MACROD2: variants seen among roughly 807,000 people sequenced by gnomAD.
The protein encoded by MACROD2 is ADP-ribose glycohydrolase MACROD2.
A neutral mutation model predicts 70.4 loss-of-function variants in MACROD2; 36 were observed. The ratio of observed to expected loss-of-function variants is 0.51; its 90% CI spans 0.39 to 0.68. MACROD2 has a LOEUF of 0.68. Ranked by LOEUF, MACROD2 falls within the 30% of genes least tolerant of loss-of-function variation. MACROD2 has a pLI of 0.00. For missense variants in MACROD2, 496 were observed against 538.4 expected, an observed-to-expected ratio of 0.92 and a Z score of 0.78; for synonymous variants, 172 against 178.8, an observed-to-expected ratio of 0.96 and a Z score of 0.30.
chr20:14,189,344 A>T (rs1338084916), intron 3 of MACROD2, among the ~76,000 whole-genome samples: 1 of 152,224 alleles, frequency 6.6e-6, no homozygotes, highest in Non-Finnish European at 1.5e-5. Context: ...ATACAATGCC[A>T]TACCAAAAAT....
At chr20:14,721,813 C>T (rs2071473262) in intron 5 of MACROD2, among the ~76,000 whole-genome samples, 1 of 152,152 alleles carries the variant, frequency 6.6e-6, no homozygotes, top group Non-Finnish European at 1.5e-5. Context: ...CAATTTCAAC[C>T]AAGATAGGCT....
chr20:15,454,913 C>T (rs908424056), intron 7 of MACROD2, among the ~76,000 whole-genome samples: 1 of 152,090 alleles, frequency 6.6e-6, no homozygotes, highest in Admixed American at 6.6e-5. Context: ...TTAAGCACCA[C>T]GTTGTGCCTT....
At chr20:14,798,024 A>G (rs950382254) in intron 5 of MACROD2, among the ~76,000 whole-genome samples, 1 of 152,132 alleles carries the variant, frequency 6.6e-6, no homozygotes, top group Non-Finnish European at 1.5e-5. Flanking sequence ...ACATTTTAAG[A>G]TTAAAGTTGA....
chr20:15,948,401 A>G (rs1243094141), intron 12 of MACROD2, among the ~76,000 whole-genome samples: 1 of 149,614 alleles, frequency 6.7e-6, no homozygotes, highest in Non-Finnish European at 1.5e-5. Context: ...AAAAAAAAAA[A>G]AAAAAAAAAA....
intron 5 of MACROD2, among the ~76,000 whole-genome samples, chr20:15,024,579 T>G (rs1277343561): frequency 6.6e-6 from 1 of 151,992 alleles, no homozygotes; most frequent in African/African-American, 2.4e-5. Flanking sequence ...TGGGAATTTT[T>G]AAGTGATACT....
intron 7 of MACROD2, among the ~76,000 whole-genome samples, chr20:15,441,134 T>G (rs2046489916): frequency 6.6e-6 from 1 of 152,164 alleles, no homozygotes; most frequent in Non-Finnish European, 1.5e-5. Context: ...GGCTATTCAA[T>G]TGTTTCTAAC....
At chr20:14,850,133 G>A (rs577230317) in intron 5 of MACROD2, 22 of 386,104 alleles carry the variant, frequency 5.7e-5, no homozygotes, top group African/African-American at 4.2e-4. Context: ...AAAGCTTTGG[G>A]GGTCATCTAG....
At chr20:15,883,947 CA>C (rs1342630332) in intron 9 of MACROD2, among the ~76,000 whole-genome samples, 1 of 152,062 alleles carries the variant, frequency 6.6e-6, no homozygotes, top group Non-Finnish European at 1.5e-5. Flanking sequence ...ATTATAATAA[CA>C]GCTAATATTT....
intron 12 of MACROD2, among the ~76,000 whole-genome samples, chr20:15,958,711 G>A (rs150039266): frequency 2.0e-5 from 3 of 152,322 alleles, no homozygotes; most frequent in Non-Finnish European, 4.4e-5. Flanking sequence ...ATATGTTGAA[G>A]CCCTAACCTC....
At chr20:14,163,164 C>G (rs1200397455) in intron 3 of MACROD2, among the ~76,000 whole-genome samples, 1 of 152,050 alleles carries the variant, frequency 6.6e-6, no homozygotes, top group African/African-American at 2.4e-5. Context: ...TCAGCATTTA[C>G]TTATCTGGGA....
chr20:14,887,842 T>G (rs2073699624), intron 5 of MACROD2, among the ~76,000 whole-genome samples: 1 of 148,616 alleles, frequency 6.7e-6, no homozygotes, highest in South Asian at 2.1e-4. Context: ...TCACAAAATA[T>G]TCAAACTGGA....
intron 8 of MACROD2, among the ~76,000 whole-genome samples, chr20:15,786,659 T>G (rs1479799694): frequency 2.0e-5 from 3 of 152,170 alleles, no homozygotes; most frequent in African/African-American, 7.2e-5. Flanking sequence ...TGCCCCATTT[T>G]TGGTGTGAAG....
intron 3 of MACROD2, among the ~76,000 whole-genome samples, chr20:14,200,439 T>G (rs2081469923): frequency 6.6e-6 from 1 of 152,102 alleles, no homozygotes; most frequent in Admixed American, 6.6e-5. Context: ...AGTACTACGC[T>G]TAATACCTGG....
At chr20:15,886,047 T>A (rs2064818205) in intron 10 of MACROD2, among the ~76,000 whole-genome samples, 1 of 152,180 alleles carries the variant, frequency 6.6e-6, no homozygotes, top group Admixed American at 6.6e-5. Context: ...TGGAACATGA[T>A]GTTGTGGTTA....
chr20:14,227,076 A>C (rs2081744568), intron 3 of MACROD2, among the ~76,000 whole-genome samples: 1 of 152,116 alleles, frequency 6.6e-6, no homozygotes, highest in African/African-American at 2.4e-5. Flanking sequence ...ACCAATCAGC[A>C]CCCTGTGTCT....
At chr20:14,174,042 C>T (rs2081244198) in intron 3 of MACROD2, among the ~76,000 whole-genome samples, 1 of 152,126 alleles carries the variant, frequency 6.6e-6, no homozygotes, top group Non-Finnish European at 1.5e-5. Context: ...TTGAAGTGGA[C>T]TCTGTGAGGG....
At chr20:15,997,663 G>A (rs1164467758) in intron 15 of MACROD2, among the ~76,000 whole-genome samples, 1 of 152,074 alleles carries the variant, frequency 6.6e-6, no homozygotes, top group Non-Finnish European at 1.5e-5. Context: ...CTTCCTTTCT[G>A]ATTTGAATGG....
intron 3 of MACROD2, among the ~76,000 whole-genome samples, chr20:14,301,846 A>T (rs1206655536): frequency 6.6e-6 from 1 of 152,222 alleles, no homozygotes; most frequent in Non-Finnish European, 1.5e-5. Flanking sequence ...AAAGCAATTC[A>T]TATATACTTA....
intron 5 of MACROD2, among the ~76,000 whole-genome samples, chr20:15,000,934 C>G (rs1600931072): frequency 6.6e-6 from 1 of 151,964 alleles, no homozygotes; most frequent in African/African-American, 2.4e-5. Flanking sequence ...GATTGCAAAT[C>G]TGTGTACTGC....
Sources: gnomAD v4.1 joint callset for allele counts (sites outside exome capture counted in the v4.1 genomes callset) on GRCh38, gnomAD v4.1.1 for gene constraint, MANE v1.5 for transcripts, NCBI Gene and HGNC (gene_info 2026-07-23, HGNC 2026-07-21) for gene names.